EYA2: variants seen among roughly 807,000 people sequenced by gnomAD.
EYA2 encodes protein phosphatase EYA2.
In EYA2, 31 loss-of-function variants were observed where a neutral mutation model predicts 69.2. The observed-to-expected ratio is 0.45, with a 90% CI of 0.34 to 0.60. The LOEUF is 0.60. Ranked by LOEUF, EYA2 falls within the 20% of genes least tolerant of loss-of-function variation. EYA2 has a pLI of 0.02. For synonymous variants in EYA2, 257 were observed against 279.4 expected (o/e 0.92, Z 0.80); for missense variants, 622 against 701.2 (o/e 0.89, Z 1.28).
intron 12 of EYA2, among the ~76,000 whole-genome samples, chr20:47,174,246 G>A (rs970452266): frequency 2.6e-5 from 4 of 152,120 alleles, no homozygotes; most frequent in South Asian, 2.1e-4. Flanking sequence ...ATAGAGTCCC[G>A]GTTCTCAAAC....
chr20:47,040,839 TA>T (rs59177399), intron 5 of EYA2, among the ~76,000 whole-genome samples: 12,086 of 152,168 alleles, frequency 0.079, 1,541 homozygotes, highest in African/African-American at 0.27. Context: ...GTCTGGGGGT[TA>T]GGGGGGAGGT....
chr20:47,032,248 T>TA (rs1028035810), intron 5 of EYA2, among the ~76,000 whole-genome samples: 2 of 152,188 alleles, frequency 1.3e-5, no homozygotes, highest in Admixed American at 6.5e-5. Flanking sequence ...ACCTTTGAGT[T>TA]ATGTGCTTCT....
Position 47,105,877 on chromosome 20 carries a change from G to A in EYA2, c.888+8709G>A, listed in dbSNP as rs2032562485. 3.9e-5 allele frequency among the ~76,000 whole-genome samples: 6 copies of A among 152,018 alleles called. No individual in the cohort carries two copies. In the South Asian group the frequency reaches 6.2e-4, roughly 16 times the overall value. ...AAATCAAAATTGATGCCAAAAAATC[G>A]ATCATGAAAGAAAATCAAAATGTAA... On this transcript the variant is annotated intron_variant, in intron 9 of 15. Transcript: ENST00000327619.
intron 9 of EYA2, among the ~76,000 whole-genome samples, chr20:47,130,693 A>G (rs1307448324): frequency 2.0e-5 from 3 of 152,234 alleles, no homozygotes; most frequent in Non-Finnish European, 4.4e-5. Flanking sequence ...ATTTCAGAGA[A>G]CTAGGAAGAT....
intron 9 of EYA2, among the ~76,000 whole-genome samples, chr20:47,102,874 C>G (rs747099362): frequency 6.6e-6 from 1 of 151,186 alleles, no homozygotes; most frequent in Non-Finnish European, 1.5e-5. Context: ...CCTCCGCAGT[C>G]TCTGAACTCT....
intron 1 of EYA2, among the ~76,000 whole-genome samples, chr20:46,938,452 G>A (rs1986015158): frequency 1.3e-5 from 2 of 152,212 alleles, no homozygotes; most frequent in Admixed American, 6.5e-5. Flanking sequence ...GGGAGCAGCT[G>A]AGCTGGTCCT....
chr20:47,142,561 CAG>C (rs902471725), intron 9 of EYA2, among the ~76,000 whole-genome samples: 33 of 152,278 alleles, frequency 2.2e-4, no homozygotes, highest in Admixed American at 1.9e-3. Context: ...TGTTGGATAA[CAG>C]GGATTTTTTT....
chr20:47,069,555 TCAGTGAAA>T (rs1318292238), intron 5 of EYA2, among the ~76,000 whole-genome samples: 1 of 152,100 alleles, frequency 6.6e-6, no homozygotes, highest in South Asian at 2.1e-4. Context: ...GATAGATAAA[TCAGTGAAA>T]CAGAATAAAG....
At chr20:46,921,828 A>T (rs1224085433) in intron 1 of EYA2, among the ~76,000 whole-genome samples, 1 of 152,224 alleles carries the variant, frequency 6.6e-6, no homozygotes, top group Non-Finnish European at 1.5e-5. Flanking sequence ...ATTCCCTTAT[A>T]TTAGCCAATA....
intron 12 of EYA2, among the ~76,000 whole-genome samples, chr20:47,173,540 G>A (rs1421791661): frequency 3.8e-5 from 5 of 130,306 alleles, no homozygotes. Context: ...AAACGTGCAG[G>A]GTCTCAGGCC....
chr20:47,016,211 C>A lies in EYA2; in HGVS notation c.329C>A (p.Ser110Tyr). 6.2e-7 allele frequency: 1 copy of A among 1,614,130 alleles called. No individual in the cohort carries two copies. Among genetic ancestry groups the A allele is most frequent in the Non-Finnish European group, 8.5e-7 (1 of 1,179,976 alleles). Residue 110 changes from serine (S) to tyrosine (Y), a missense_variant, in exon 5 of 16, where the codon TCC becomes TAC. By Grantham distance (144) the Ser-to-Tyr change is moderately radical. Around this residue, in one of 2 missense-constraint regions of EYA2, gnomAD observed 365 missense variants for 349.7 expected, o/e 1.04. Coordinates refer to ENST00000327619, the MANE Select transcript of EYA2 (RefSeq NM_005244.5). ...SIKTEDSLNH[S>Y]PGQSGFLSYG... The stretch of plus-strand genomic sequence containing the variant: ...AAGACAGAAGACAGCTTGAACCATT[C>A]CCCTGGCCAGAGTGGATTCCTCAGC...
chr20:47,169,225 C>T lies in EYA2; in HGVS notation c.1037+28C>T, dbSNP rs746499372. On this transcript the variant is annotated intron_variant, in intron 11 of 15. Coordinates refer to ENST00000327619, the MANE Select transcript of EYA2 (RefSeq NM_005244.5). Reference sequence around the variant, plus strand: ...GGGAATTTGGGGAGTCAAAAATGCCCATTGATTGATTGATTGATTATCAAG... The same window carrying T: ...GGGAATTTGGGGAGTCAAAAATGCCTATTGATTGATTGATTGATTATCAAG... 2.5e-6 allele frequency: 4 copies of T among 1,600,974 alleles called. No homozygotes were observed. In the South Asian group the frequency reaches 4.4e-5, roughly 18 times the overall value.
chr20:47,154,360 AC>A (rs1388749673), intron 10 of EYA2, among the ~76,000 whole-genome samples: 1 of 152,022 alleles, frequency 6.6e-6, no homozygotes, highest in Non-Finnish European at 1.5e-5. Context: ...AAATACAGCC[AC>A]ATAGGGAGGT....
At chr20:46,965,626 G>A (rs1476597122) in intron 1 of EYA2, among the ~76,000 whole-genome samples, 2 of 152,350 alleles carry the variant, frequency 1.3e-5, no homozygotes, top group Admixed American at 6.5e-5. Context: ...TTGCCTGGGC[G>A]TAGGTTGGAG....
chr20:47,052,514 G>A (rs780618931), intron 5 of EYA2, among the ~76,000 whole-genome samples: 6 of 152,248 alleles, frequency 3.9e-5, no homozygotes, highest in African/African-American at 7.2e-5. Context: ...TGTTACTAAG[G>A]AATGTTTGGG....
chr20:47,160,447 T>C (rs1017851740), intron 10 of EYA2, among the ~76,000 whole-genome samples: 1 of 152,036 alleles, frequency 6.6e-6, no homozygotes, highest in Non-Finnish European at 1.5e-5. Context: ...CTTACTAACC[T>C]CTGATCTAGG....
intron 3 of EYA2, among the ~76,000 whole-genome samples, chr20:47,004,059 C>T (rs1289864259): frequency 2.0e-5 from 3 of 152,188 alleles, no homozygotes; most frequent in African/African-American, 7.2e-5. Context: ...AAGTAAGGAG[C>T]CCTGTACATC....
At chr20:46,957,850 A>T (rs1281335959) in intron 1 of EYA2, among the ~76,000 whole-genome samples, 1 of 152,136 alleles carries the variant, frequency 6.6e-6, no homozygotes, top group African/African-American at 2.4e-5. Context: ...CAAGAAATGC[A>T]TCCACTGAGG....
At chr20:47,066,871 A>G (rs1328208232) in intron 5 of EYA2, among the ~76,000 whole-genome samples, 1 of 152,102 alleles carries the variant, frequency 6.6e-6, no homozygotes, top group African/African-American at 2.4e-5. Context: ...ATCAGCCAGA[A>G]GGAAGAAAGA....
Sources: gnomAD v4.1 joint callset for allele counts (sites outside exome capture counted in the v4.1 genomes callset) on GRCh38, gnomAD v4.1.1 for gene constraint, gnomAD v4.1.1 regional missense constraint, MANE v1.5 for transcripts, NCBI Gene and HGNC (gene_info 2026-07-23, HGNC 2026-07-21) for gene names.